The following CRISP1 variants were observed in gnomAD, a reference collection of about 807,000 sequenced individuals.
The protein encoded by CRISP1 is cysteine rich secretory protein 1.
In CRISP1, 44 loss-of-function variants were observed where a neutral mutation model predicts 33.1. That is an observed-to-expected ratio of 1.33 (90% CI 1.05 to 1.71). The LOEUF is 1.71. Among genes scored for constraint, CRISP1 ranks in the 40% most tolerant of loss-of-function variants. CRISP1 has a pLI of 0.00. For synonymous variants in CRISP1, 103 were observed against 98.7 expected, an observed-to-expected ratio of 1.04 and a Z score of -0.26; for missense variants, 390 against 301.2, an observed-to-expected ratio of 1.29 and a Z score of -2.18.
intron 2 of CRISP1, among the ~76,000 whole-genome samples, chr6:49,852,829 C>T (rs548674346): frequency 6.7e-5 from 10 of 148,446 alleles, no homozygotes; most frequent in East Asian, 3.9e-4. Context: ...TAGCATTAAT[C>T]GCTATAAAGA....
chr6:49,869,896 C>T (rs375426832), upstream of CRISP1, among the ~76,000 whole-genome samples: 1 of 152,128 alleles, frequency 6.6e-6, no homozygotes, highest in Non-Finnish European at 1.5e-5. Flanking sequence ...CCCAGGGGTA[C>T]TAAACCCAAA....
At position 49,872,676 on chromosome 6, in the gene CRISP1, G is replaced by A. The variant is rs796529788; in HGVS notation, c.-3+4333C>T. Among the ~76,000 whole-genome samples the A allele has an allele frequency of 9.9e-5, 15 of 152,170 alleles. No homozygotes were observed. In the South Asian group the frequency reaches 3.1e-3, roughly 32 times the overall value. On this transcript the variant is annotated intron_variant, in intron 1 of 7. Transcript: ENST00000505118. ...ATAGGGAATCGTTTCCCCATTTCTT[G>A]TTTTTGTCAGGTTTGTCAAAGATCA...
chr6:49,842,495 T>G (rs990530234), intron 5 of CRISP1, among the ~76,000 whole-genome samples: 1 of 152,158 alleles, frequency 6.6e-6, no homozygotes, highest in African/African-American at 2.4e-5. Context: ...GAAAAAGAGC[T>G]TTTATTTTAC....
chr6:49,854,817 AG>A (rs1467497000), intron 2 of CRISP1, among the ~76,000 whole-genome samples: 1 of 152,232 alleles, frequency 6.6e-6, no homozygotes, highest in Non-Finnish European at 1.5e-5. Flanking sequence ...TGGGCATGAT[AG>A]GGGGAGAGTG....
chr6:49,843,864 T>C (rs1295194581), intron 5 of CRISP1, among the ~76,000 whole-genome samples: 3 of 152,138 alleles, frequency 2.0e-5, no homozygotes, highest in Non-Finnish European at 4.4e-5. Context: ...TACTTGGAAA[T>C]TGGAAGAAAG....
At chr6:49,843,024 A>G (rs1473004569) in intron 5 of CRISP1, among the ~76,000 whole-genome samples, 1 of 152,182 alleles carries the variant, frequency 6.6e-6, no homozygotes, top group East Asian at 1.9e-4. Context: ...ACTTTGAAGG[A>G]GACAAATCAA....
rs1770932209 is a variant in CRISP1, at chr6:49,840,030, A to G, written c.533+868T>C. 1.3e-5 allele frequency among the ~76,000 whole-genome samples: 2 copies of G among 152,224 alleles called. 1 individual carries two copies. The highest frequency in any genetic ancestry group is 4.1e-4 in the South Asian group (2 of 4,830). ...ACCATGCATTGAGTTCACATTATGT[A>G]GGAAAGACTTATGTGTTAATCTAAG... On this transcript the variant is annotated intron_variant, in intron 6 of 7. Transcript: ENST00000335847.
At chr6:49,868,213 G>A (rs1376756070), upstream of CRISP1, among the ~76,000 whole-genome samples, 1 of 152,260 alleles carries the variant, frequency 6.6e-6, no homozygotes, top group South Asian at 2.1e-4. Context: ...AACTTGATTT[G>A]CATGTGAGTC....
At chr6:49,840,647 G>A (rs1389788513) in intron 6 of CRISP1, among the ~76,000 whole-genome samples, 1 of 151,956 alleles carries the variant, frequency 6.6e-6, no homozygotes, top group Non-Finnish European at 1.5e-5. Context: ...TTTTAAATAA[G>A]AGAAAATACA....
At chr6:49,848,124 A>G (rs1465134393) in intron 4 of CRISP1, 85 bp downstream of exon 4, 2 of 713,634 alleles carry the variant, frequency 2.8e-6, no homozygotes, top group Non-Finnish European at 4.6e-6. Flanking sequence ...GACTTAATTT[A>G]CTTTCATCAG....
At chr6:49,864,871 G>T (rs1344828194) in intron 1 of CRISP1, among the ~76,000 whole-genome samples, 2 of 152,090 alleles carry the variant, frequency 1.3e-5, no homozygotes, top group African/African-American at 4.8e-5. Context: ...TATCTTAGTT[G>T]TAGCTTTTGT....
At chr6:49,876,673 A>T (rs542951022) in intron 1 of CRISP1, among the ~76,000 whole-genome samples, 2 of 152,110 alleles carry the variant, frequency 1.3e-5, no homozygotes, top group East Asian at 3.9e-4. Context: ...AGAAAATGCG[A>T]TACATATACA....
intron 1 of CRISP1, among the ~76,000 whole-genome samples, chr6:49,876,299 C>G (rs1205446459): frequency 6.6e-6 from 1 of 152,112 alleles, no homozygotes; most frequent in Non-Finnish European, 1.5e-5. Flanking sequence ...CTGAACATCA[C>G]TGATCATTAG....
chr6:49,865,548 A>G (rs1468275939), intron 1 of CRISP1, among the ~76,000 whole-genome samples: 1 of 152,194 alleles, frequency 6.6e-6, no homozygotes, highest in East Asian at 1.9e-4. Flanking sequence ...CATTATATGT[A>G]AAAGGTCTTT....
At chr6:49,871,975 A>G (rs1339519097) in intron 1 of CRISP1, among the ~76,000 whole-genome samples, 1 of 152,126 alleles carries the variant, frequency 6.6e-6, no homozygotes, top group East Asian at 1.9e-4. Context: ...GAATCGCCAC[A>G]CTGACTTCCA....
intron 3 of CRISP1, 148 bp from the exon 4 acceptor site, chr6:49,848,447 T>C (rs1771255193): frequency 2.1e-6 from 1 of 480,840 alleles, no homozygotes; most frequent in Non-Finnish European, 3.6e-6. Flanking sequence ...AACGTTCTAG[T>C]AGAAAGAGAA....
chr6:49,839,060 A>G (rs1377181376), intron 6 of CRISP1, among the ~76,000 whole-genome samples: 1 of 152,114 alleles, frequency 6.6e-6, no homozygotes, highest in African/African-American at 2.4e-5. Flanking sequence ...ATGAAAGTAC[A>G]TCAGCATGGA....
chr6:49,867,381 T>C (rs1199088899), upstream of CRISP1, among the ~76,000 whole-genome samples: 1 of 152,052 alleles, frequency 6.6e-6, no homozygotes, highest in African/African-American at 2.4e-5. Flanking sequence ...TGCTGGCCTC[T>C]TTTTAAAATT....
chr6:49,875,814 T>C, intron 1 of CRISP1, among the ~76,000 whole-genome samples: 1 of 152,020 alleles, frequency 6.6e-6, no homozygotes, highest in East Asian at 1.9e-4. Context: ...TTCTATTGAA[T>C]AAATGGTGCT....
Sources: gnomAD v4.1 joint callset for allele counts (sites outside exome capture counted in the v4.1 genomes callset) on GRCh38, gnomAD v4.1.1 for gene constraint, MANE v1.5 for transcripts, NCBI Gene and HGNC (gene_info 2026-07-23, HGNC 2026-07-21) for gene names.